The following PINK1 variants were observed in gnomAD, a reference collection of about 807,000 sequenced individuals.
PINK1 encodes serine/threonine-protein kinase PINK1, mitochondrial.
A neutral mutation model predicts 56.0 loss-of-function variants in PINK1; 58 were observed. The observed-to-expected ratio is 1.04, with a 90% confidence interval of 0.84 to 1.29. PINK1 has a LOEUF of 1.29. Ranked by LOEUF, PINK1 falls within the 50% of genes most tolerant of loss-of-function variation. PINK1 has a pLI of 0.00. For missense variants in PINK1, 745 were observed against 777.9 expected (o/e 0.96, Z 0.50); for synonymous variants, 354 against 339.3 (o/e 1.04, Z -0.48).
intron 3 of PINK1, among the ~76,000 whole-genome samples, chr1:20,640,393 A>AT (rs1411380966): frequency 1.4e-5 from 2 of 138,220 alleles, no homozygotes; most frequent in African/African-American, 2.6e-5. Flanking sequence ...GTGCCAAGAG[A>AT]TTTTAAAAAA....
At position 20,648,635 on chromosome 1, in the gene PINK1, G is replaced by GAGT. The variant is rs1279350182; in HGVS notation, c.1251+4_1251+6dup. The GAGT allele has an allele frequency of 3.7e-6, 6 of 1,613,494 alleles. No homozygotes were observed. In the South Asian group the frequency reaches 6.6e-5, roughly 18 times the overall value. ...ACGGCTGTCTGATGGCCCCAGAGGT[G>GAGT]AGTCCCGAGTGTGTCATGCGCCATC... On this transcript the variant is annotated splice_donor_region_variant and intron_variant, in intron 6 of 7. Transcript: ENST00000321556.
In PINK1 at chr1:20,650,846, TG is replaced by T. The variant is rs1358581798; in HGVS notation, c.*156del. On this transcript the variant is annotated 3_prime_UTR_variant, in exon 8 of 8. Transcript: ENST00000321556. ...CTCGGGCTTGGCAAATGGAAGAACT[TG>T]AGTGAGAGTTCAGTCTGCAGTCCTC... 1.0e-6 allele frequency: 1 copy of T among 961,548 alleles called. No individual in the cohort carries two copies. Among genetic ancestry groups the T allele is most frequent in the Non-Finnish European group, 1.6e-6 (1 of 635,056 alleles). The allele number at this position is 961,548 out of a possible 1,614,324, so 59.6% of individuals were successfully genotyped here.
intron 1 of PINK1, 103 bp from the exon 2 acceptor site, chr1:20,637,739 A>T: frequency 7.3e-7 from 1 of 1,360,876 alleles, no homozygotes; most frequent in Non-Finnish European, 1.0e-6. Context: ...GATCTGGTCG[A>T]CGTGGACCAC....
At chr1:20,639,871 G>T in intron 2 of PINK1, 21 bp from the exon 3 acceptor site, 2 of 1,604,094 alleles carry the variant, frequency 1.2e-6, no homozygotes, top group East Asian at 2.2e-5. Flanking sequence ...TGTAACCCTG[G>T]GTTCCTTGTG....
At chr1:20,638,237 C>T (rs761674080) in intron 2 of PINK1, 108 bp downstream of exon 2, 15 of 1,351,966 alleles carry the variant, frequency 1.1e-5, no homozygotes, top group Non-Finnish European at 1.5e-5. Context: ...ACAGATTATC[C>T]ACAGGAAAGG....
chr1:20,648,459 G>A (rs371942025), intron 5 of PINK1, 46 bp from the exon 6 acceptor site: 49 of 1,612,702 alleles, frequency 3.0e-5, no homozygotes, highest in Non-Finnish European at 4.1e-5. Context: ...GCCTCTCAGA[G>A]GGAAGGAGGG....
At position 20,633,885 on chromosome 1, in the gene PINK1, G is replaced by A. The variant is rs1007114265; in HGVS notation, c.337G>A (p.Glu113Lys). 3 of 1,583,336 alleles carry A rather than the reference G, an allele frequency of 1.9e-6. No homozygotes were observed. Among genetic ancestry groups the A allele is most frequent in the South Asian group, 2.3e-5 (2 of 87,020 alleles). Residue 113 changes from glutamate (E) to lysine (K), a missense_variant, in exon 1 of 8, where the codon GAA becomes AAA. Glu to Lys is a moderately conservative substitution (Grantham distance 56). Transcript: ENST00000321556. ...AFGLGLGLIE[E>K]KQAESRRAVS... The stretch of plus-strand genomic sequence containing the variant: ...CGGGCTAGGGCTGGGCCTCATCGAG[G>A]AAAAACAGGCGGAGAGCCGGCGGGC...
Position 20,633,675 on chromosome 1 carries a change from G to C in PINK1, c.127G>C (p.Gly43Arg), listed in dbSNP as rs1443552897. The change falls in exon 1 of 8, where the codon GGG (glycine) becomes CGG (arginine). Residue 43 changes from glycine (G) to arginine (R), a missense_variant. Gly to Arg is a moderately radical substitution (Grantham distance 125). Transcript: ENST00000321556. ...RPGPAAGCVR[G>R]ERPGWAAGPG... ...GGGCCCGGCGGCGGGCTGTGTCCGC[G>C]GGGAGCGTCCAGGCTGGGCCGCAGG... is the stretch of plus-strand genomic sequence containing the variant. 1.2e-5 allele frequency: 17 copies of C among 1,389,086 alleles called. No individual in the cohort carries two copies. The East Asian group carries it at 5.1e-4, about 42-fold the overall frequency. 86.0% of individuals were successfully genotyped at this position (1,389,086 alleles called of 1,614,324 possible). A position where few individuals can be genotyped will look rare whatever the true frequency, so the allele number is the denominator to read the frequency against.
At position 20,641,930 on chromosome 1, in the gene PINK1, T is replaced by C. The variant is rs2053119555; in HGVS notation, c.776+1938T>C. ...ACCATGTATCTCCCCAGTACAGCCA[T>C]ACTCCTCTGCCCCTGAGCTCCCATG... On this transcript the variant is annotated intron_variant, in intron 3 of 7. Transcript: ENST00000321556. This position sits in a 1 kb window ranked among gnomAD's most constrained non-coding sequence, Gnocchi z 4.0. Among the ~76,000 whole-genome samples the C allele has an allele frequency of 1.3e-5, 2 of 152,136 alleles. No homozygotes were observed. Among genetic ancestry groups the C allele is most frequent in the South Asian group, 4.1e-4 (2 of 4,830 alleles).
Position 20,637,956 on chromosome 1 carries a change from G to C in PINK1, c.502G>C (p.Ala168Pro), listed in dbSNP as rs768091663. Reference sequence around the variant, plus strand: ...GCAGTCCATTGGTAAGGGCTGCAGTGCTGCTGTGTATGAAGCCACCATGCC... The same window carrying C: ...GCAGTCCATTGGTAAGGGCTGCAGTCCTGCTGTGTATGAAGCCACCATGCC... ...IGQSIGKGCS[A>P]AVYEATMPTL... The change falls in exon 2 of 8, where the codon GCT becomes CCT. Residue 168 changes from alanine (A) to proline (P), a missense_variant. By Grantham distance (27) the Ala-to-Pro change is conservative (BLOSUM62 -1). Transcript: ENST00000321556. 6.8e-6 allele frequency: 11 copies of C among 1,614,208 alleles called. No homozygotes were observed. Among genetic ancestry groups the C allele is most frequent in the Non-Finnish European group, 8.5e-6 (10 of 1,180,040 alleles).
At position 20,650,806 on chromosome 1, in the gene PINK1, T is replaced by C; in HGVS notation, c.*115T>C. 1 of 1,434,974 alleles carries C rather than the reference T, an allele frequency of 7.0e-7. No homozygotes were observed. 88.9% of individuals were successfully genotyped at this position (1,434,974 alleles called of 1,614,324 possible). On this transcript the variant is annotated 3_prime_UTR_variant, in exon 8 of 8. Transcript: ENST00000321556. Reference sequence around the variant, plus strand: ...GACAAGACAGCGCAGAGAGGGCTGGTTAGCCGGAAAAGGCCTCGGGCTTGG... The same window carrying C: ...GACAAGACAGCGCAGAGAGGGCTGGCTAGCCGGAAAAGGCCTCGGGCTTGG...
rs754383296 is a variant in PINK1 at position 20,650,616 on chromosome 1, C to T, written c.1671C>T (p.Leu557=). 1 of 1,614,228 alleles carries T rather than the reference C, an allele frequency of 6.2e-7. No homozygotes were observed. Among genetic ancestry groups the T allele is most frequent in the East Asian group, 2.2e-5 (1 of 44,892 alleles). Residue 557 remains leucine, a synonymous_variant, in exon 8 of 8, where the codon CTC becomes CTT. Transcript: ENST00000321556. ...KCCVETKMKM[L]FLANLECETL... is the part of the protein sequence containing the mutation. ...GTGTGGAAACAAAAATGAAGATGCT[C>T]TTTCTGGCTAACCTGGAGTGTGAAA...
intron 3 of PINK1, among the ~76,000 whole-genome samples, chr1:20,643,942 T>C (rs1469173609): frequency 4.0e-5 from 6 of 151,026 alleles, no homozygotes; most frequent in Non-Finnish European, 8.8e-5. Context: ...TAAAGTTTAA[T>C]TTATAAATTA....
At chr1:20,648,028 T>G (rs1439528490) in intron 5 of PINK1, among the ~76,000 whole-genome samples, 1 of 152,022 alleles carries the variant, frequency 6.6e-6, no homozygotes, top group Admixed American at 6.6e-5. Flanking sequence ...TTGGCCAGGC[T>G]GGTCTTGAAC....
chr1:20,644,424 A>AG, intron 3 of PINK1, 66 bp from the exon 4 acceptor site: 1 of 1,513,732 alleles, frequency 6.6e-7, no homozygotes, highest in Non-Finnish European at 9.2e-7. Flanking sequence ...GTGTGGCCTT[A>AG]GGTTATTCTT....
chr1:20,650,263 G>A (rs969627427), intron 7 of PINK1, 171 bp from the exon 8 acceptor site: 8 of 834,092 alleles, frequency 9.6e-6, no homozygotes, highest in South Asian at 1.5e-5. Flanking sequence ...CTTGGAGCAC[G>A]GGCAGGGGAC....
In PINK1 at chr1:20,650,543, A is replaced by C; in HGVS notation, c.1598A>C (p.Gln533Pro). 6.2e-7 allele frequency: 1 copy of C among 1,614,228 alleles called. No individual in the cohort carries two copies. The highest frequency in any genetic ancestry group is 1.3e-5 in the African/African-American group (1 of 75,064). Reference sequence around the variant, plus strand: ...GACAAGATGGTTGGCTGGCTCCTCCAACAATCGGCCGCCACTTTGTTGGCC... The same window carrying C: ...GACAAGATGGTTGGCTGGCTCCTCCCACAATCGGCCGCCACTTTGTTGGCC... ...KLDKMVGWLLQQSAATLLANR... is the reference protein window; with the variant it reads ...KLDKMVGWLLPQSAATLLANR... Residue 533 changes from glutamine (Q) to proline (P), a missense_variant, in exon 8 of 8, where the codon CAA becomes CCA. Physicochemically the swap from Gln to Pro is moderately conservative, Grantham distance 76. Coordinates refer to ENST00000321556, the MANE Select transcript of PINK1 (RefSeq NM_032409.3).
At chr1:20,635,692 C>CA (rs1422737420) in intron 1 of PINK1, among the ~76,000 whole-genome samples, 2 of 150,272 alleles carry the variant, frequency 1.3e-5, no homozygotes, top group South Asian at 2.1e-4. Flanking sequence ...ACTAAAAATA[C>CA]AAAAAAATTA....
In PINK1 at chr1:20,648,309, A is replaced by G. The variant is rs2298299; in HGVS notation, c.1124-196A>G. The stretch of plus-strand genomic sequence containing the variant: ...TTTGCCTGGGGATTTTGCAGCCTGT[A>G]CTTACTGGAGGCATTTCCGTGTTCG... On this transcript the variant is annotated intron_variant, in intron 5 of 7. Coordinates refer to ENST00000321556, the MANE Select transcript of PINK1 (RefSeq NM_032409.3). The G allele has an allele frequency of 0.18, 121,629 of 692,302 alleles. 11,911 individuals are homozygous for G. Among genetic ancestry groups the G allele is most frequent in the Middle Eastern group, 0.23 (595 of 2,576 alleles). 42.9% of individuals were successfully genotyped at this position (692,302 alleles called of 1,614,324 possible). A position where few individuals can be genotyped will look rare whatever the true frequency, so the allele number is the denominator to read the frequency against.
Sources: allele counts gnomAD v4.1 joint callset (sites outside exome capture counted in the v4.1 genomes callset), GRCh38; gene constraint gnomAD v4.1.1; non-coding constraint Gnocchi (gnomAD v3.1); transcripts MANE v1.5; gene names NCBI Gene and HGNC (gene_info 2026-07-23, HGNC 2026-07-21).